The following GABRG3 variants were observed in gnomAD, a reference collection of about 807,000 sequenced individuals.
GABRG3 encodes gamma-aminobutyric acid type A receptor subunit gamma3.
GABRG3 carries 25 observed loss-of-function variants against 48.8 expected under a neutral mutation model. That is an observed-to-expected ratio of 0.51 (90% CI 0.37 to 0.72). GABRG3 has a LOEUF of 0.72. GABRG3 is among the 30% of genes least tolerant of loss of function. The pLI is 0.00. For synonymous variants in GABRG3, 227 were observed against 217.6 expected (o/e 1.04, Z -0.38); for missense variants, 394 against 577.9 (o/e 0.68, Z 3.26).
intron 3 of GABRG3, among the ~76,000 whole-genome samples, chr15:27,088,768 C>T (rs914489744): frequency 2.0e-5 from 3 of 152,250 alleles, no homozygotes; most frequent in East Asian, 3.9e-4. Context: ...TCACCTCCCA[C>T]CAGGCCCCTC....
chr15:27,074,425 T>C (rs1896878045), intron 3 of GABRG3, among the ~76,000 whole-genome samples: 1 of 151,870 alleles, frequency 6.6e-6, no homozygotes, highest in African/African-American at 2.4e-5. Flanking sequence ...TGCTGCTGGC[T>C]AGAAGCATGT....
At chr15:27,148,373 G>A (rs1898248789) in intron 3 of GABRG3, among the ~76,000 whole-genome samples, 1 of 151,944 alleles carries the variant, frequency 6.6e-6, no homozygotes, top group Non-Finnish European at 1.5e-5. Context: ...TTACCATCGA[G>A]TAAAGTGTAG....
chr15:27,401,848 A>AT (rs11421937), intron 5 of GABRG3, among the ~76,000 whole-genome samples: 90,820 of 152,018 alleles, frequency 0.6, 27,816 homozygotes, highest in East Asian at 0.99. Context: ...GGATAACAAT[A>AT]TTTTTAAAGA....
At chr15:27,078,100 C>T (rs779888264) in intron 3 of GABRG3, among the ~76,000 whole-genome samples, 6 of 152,058 alleles carry the variant, frequency 3.9e-5, no homozygotes, top group Non-Finnish European at 8.8e-5. Context: ...CATGGAGTGC[C>T]GGATAGTTGG....
intron 2 of GABRG3, among the ~76,000 whole-genome samples, chr15:27,010,475 G>T (rs1046805753): frequency 6.6e-6 from 1 of 152,124 alleles, no homozygotes. Flanking sequence ...ATAGCCCCAG[G>T]CATTCCTAAA....
chr15:27,351,884 T>G (rs774000701), intron 5 of GABRG3, among the ~76,000 whole-genome samples: 8 of 149,424 alleles, frequency 5.4e-5, no homozygotes, highest in Admixed American at 2.0e-4. Flanking sequence ...GTATGTATGA[T>G]GTGTGTGTAT....
At chr15:27,276,179 G>A (rs533816102) in intron 3 of GABRG3, among the ~76,000 whole-genome samples, 2 of 152,332 alleles carry the variant, frequency 1.3e-5, no homozygotes, top group South Asian at 4.1e-4. Flanking sequence ...TAGAAGGGAA[G>A]GCTTTGGGTA....
rs1453147401 is a variant in GABRG3 at position 27,310,903 on chromosome 15, TA to T, written c.271-15904del. ...GTCCTGTGAATGAATAGTGTTGGAG[TA>T]ATTGGATGCTCTTATGAGAAGAAAA... On this transcript the variant is annotated intron_variant, in intron 3 of 9. Transcript: ENST00000615808. 3.3e-5 allele frequency among the ~76,000 whole-genome samples: 5 copies of T among 152,258 alleles called. No individual in the cohort carries two copies. The East Asian group carries it at 9.6e-4, about 29-fold the overall frequency.
intron 3 of GABRG3, among the ~76,000 whole-genome samples, chr15:27,172,572 T>A (rs1887608985): frequency 6.6e-6 from 1 of 152,154 alleles, no homozygotes; most frequent in Admixed American, 6.5e-5. Flanking sequence ...CACTGGCTGT[T>A]CGGCACTCAG....
chr15:27,372,873 C>G (rs1895461055), intron 5 of GABRG3, among the ~76,000 whole-genome samples: 2 of 152,184 alleles, frequency 1.3e-5, no homozygotes, highest in Admixed American at 1.3e-4. Flanking sequence ...GTCACTGTAC[C>G]TGTGAACTCT....
In GABRG3 at chr15:27,288,300, T is replaced by C. The variant is rs1384101844; in HGVS notation, c.271-38509T>C. On this transcript the variant is annotated intron_variant, in intron 3 of 9. Coordinates refer to ENST00000615808, the MANE Select transcript of GABRG3 (RefSeq NM_033223.5). ...TGATTCAAGCACATTACATTCATTGTGTACTTTATTTCTATTATTGTTATA... is the reference window on the plus strand; with the variant it reads ...TGATTCAAGCACATTACATTCATTGCGTACTTTATTTCTATTATTGTTATA... Among the ~76,000 whole-genome samples, 8 of 152,278 alleles carry C rather than the reference T, an allele frequency of 5.3e-5. No individual in the cohort carries two copies. In the East Asian group the frequency reaches 1.5e-3, roughly 29 times the overall value.
chr15:27,251,196 C>T (rs17137728), intron 3 of GABRG3, among the ~76,000 whole-genome samples: 9,345 of 152,188 alleles, frequency 0.061, 951 homozygotes, highest in African/African-American at 0.21. Context: ...TTCCTCGGCC[C>T]AGATTTCCTC....
chr15:27,486,307 C>G (rs1890218465), intron 6 of GABRG3, among the ~76,000 whole-genome samples: 1 of 152,044 alleles, frequency 6.6e-6, no homozygotes, highest in Admixed American at 6.6e-5. Context: ...ATAGGCTTCC[C>G]CAGAGACTAG....
intron 2 of GABRG3, among the ~76,000 whole-genome samples, chr15:26,992,633 G>A (rs892994455): frequency 1.3e-5 from 2 of 152,118 alleles, no homozygotes; most frequent in African/African-American, 4.8e-5. Flanking sequence ...ATTTTGTTGA[G>A]TATTTTTGCA....
At position 26,974,004 on chromosome 15, in the gene GABRG3, T is replaced by C. The variant is rs1894890974; in HGVS notation, c.53+2416T>C. 6.6e-6 allele frequency among the ~76,000 whole-genome samples: 1 copy of C among 152,186 alleles called. No individual in the cohort carries two copies. Among genetic ancestry groups the C allele is most frequent in the Admixed American group, 6.5e-5 (1 of 15,282 alleles). On this transcript the variant is annotated intron_variant, in intron 1 of 9. Transcript: ENST00000615808. The surrounding 1 kb of genome is among the most constrained non-coding windows in gnomAD (Gnocchi z 4.3). ...CCACATTCTAATGGGTCCCCTGAGA[T>C]GAGATTTCATTTTTGTCAAAGCAAG...
intron 3 of GABRG3, among the ~76,000 whole-genome samples, chr15:27,313,240 ATGTGTGTGTG>A (rs1169973611): frequency 5.3e-5 from 3 of 56,890 alleles, no homozygotes; most frequent in African/African-American, 2.0e-4. Context: ...ATATGTATAT[ATGTGTGTGTG>A]TGTGTGTGTG....
At chr15:27,118,446 G>T (rs924821202) in intron 3 of GABRG3, among the ~76,000 whole-genome samples, 2 of 152,178 alleles carry the variant, frequency 1.3e-5, no homozygotes, top group Non-Finnish European at 2.9e-5. Context: ...AAAAAGAACA[G>T]CACCAGGGCA....
chr15:27,318,817 C>T (rs1429526682), intron 3 of GABRG3, among the ~76,000 whole-genome samples: 1 of 152,142 alleles, frequency 6.6e-6, no homozygotes, highest in Non-Finnish European at 1.5e-5. Flanking sequence ...CAAGGCAAGC[C>T]TCTCATTATT....
chr15:27,523,844 A>T (rs1891213867), intron 7 of GABRG3, among the ~76,000 whole-genome samples: 1 of 152,056 alleles, frequency 6.6e-6, no homozygotes, highest in Non-Finnish European at 1.5e-5. Flanking sequence ...ATTGAAAAAA[A>T]TAATAATCAA....
Sources: allele counts gnomAD v4.1 joint callset (sites outside exome capture counted in the v4.1 genomes callset), GRCh38; gene constraint gnomAD v4.1.1; non-coding constraint Gnocchi (gnomAD v3.1); transcripts MANE v1.5; gene names NCBI Gene and HGNC (gene_info 2026-07-23, HGNC 2026-07-21).